The following MCCC1 variants were observed in gnomAD, a reference collection of about 807,000 sequenced individuals.
MCCC1 encodes the protein methylcrotonoyl-CoA carboxylase subunit alpha, mitochondrial.
In MCCC1, 64 loss-of-function variants were observed where a neutral mutation model predicts 83.8. The observed-to-expected ratio is 0.76, with a 90% confidence interval of 0.62 to 0.94. The LOEUF (loss-of-function observed/expected upper bound fraction) is 0.94. Ranked by LOEUF, MCCC1 falls within the 40% of genes least tolerant of loss-of-function variation. The pLI is 0.00. For synonymous variants in MCCC1, 322 were observed against 315.4 expected, an observed-to-expected ratio of 1.02 and a Z score of -0.22; for missense variants, 807 against 904.7, an observed-to-expected ratio of 0.89 and a Z score of 1.39.
Position 183,099,465 on chromosome 3 carries a change from G to A in MCCC1, c.-25C>T. Reference sequence around the variant, plus strand: ...TGTCCCTGGAGCCCGGCCACTCCGTGACTCCCCAGTACAGAGGCAGCTGCG... The same window carrying A: ...TGTCCCTGGAGCCCGGCCACTCCGTAACTCCCCAGTACAGAGGCAGCTGCG... On this transcript the variant is annotated 5_prime_UTR_variant, in exon 1 of 19. Coordinates refer to ENST00000265594, the MANE Select transcript of MCCC1 (RefSeq NM_020166.5). 1.3e-6 allele frequency: 2 copies of A among 1,591,912 alleles called. No homozygotes were observed. Among genetic ancestry groups the A allele is most frequent in the Non-Finnish European group, 1.7e-6 (2 of 1,170,116 alleles).
intron 17 of MCCC1, among the ~76,000 whole-genome samples, chr3:183,018,007 A>G (rs551107129): frequency 3.8e-4 from 57 of 151,812 alleles, no homozygotes; most frequent in African/African-American, 1.3e-3. Context: ...AGAGGCCTAC[A>G]GGTCAAATGC....
At chr3:183,102,374 C>CA (rs983928936), upstream of MCCC1, among the ~76,000 whole-genome samples, 79 of 150,916 alleles carry the variant, frequency 5.2e-4, no homozygotes, top group African/African-American at 1.6e-3. Context: ...AAAAAAGAAG[C>CA]AAAAAAAATA....
intron 8 of MCCC1, among the ~76,000 whole-genome samples, chr3:183,052,863 A>G (rs574057168): frequency 2.9e-4 from 43 of 150,596 alleles, no homozygotes; most frequent in African/African-American, 9.7e-4. Context: ...CGTATATAAT[A>G]CTTGATAATA....
At chr3:183,022,288 A>G in intron 16 of MCCC1, 129 bp downstream of exon 16, 3 of 1,110,698 alleles carry the variant, frequency 2.7e-6, no homozygotes, top group Non-Finnish European at 4.0e-6. Context: ...GGTGGGGGAA[A>G]CTGAGGGAAA....
chr3:183,043,902 C>T (rs1032209152), intron 10 of MCCC1, among the ~76,000 whole-genome samples: 5 of 152,144 alleles, frequency 3.3e-5, no homozygotes, highest in African/African-American at 1.2e-4. Context: ...TCCTTGAATT[C>T]TGGAAATATA....
intron 10 of MCCC1, among the ~76,000 whole-genome samples, chr3:183,042,346 A>G (rs1368206335): frequency 6.6e-6 from 1 of 152,312 alleles, no homozygotes; most frequent in African/African-American, 2.4e-5. Context: ...TACTATAATT[A>G]TTACTATTTT....
At position 183,039,068 on chromosome 3, in the gene MCCC1, C is replaced by T; in HGVS notation, c.1335G>A (p.Gln445=). Residue 445 remains glutamine (Q), a synonymous_variant, in exon 12 of 19, where the codon CAG becomes CAA. Transcript: ENST00000265594. The part of the protein sequence containing the change: ...AKLVVWAADR[Q]AALTKLRYSL... Reference sequence around the variant, plus strand: ...TGTACCTCAGTTTTGTCAATGCCGCCTGGCGATCTGCTGCCCACACGACCA... The same window carrying T: ...TGTACCTCAGTTTTGTCAATGCCGCTTGGCGATCTGCTGCCCACACGACCA... 3 of 1,614,188 alleles carry T rather than the reference C, an allele frequency of 1.9e-6. No homozygotes were observed. The highest frequency in any genetic ancestry group is 2.5e-6 in the Non-Finnish European group (3 of 1,180,044).
intron 10 of MCCC1, among the ~76,000 whole-genome samples, chr3:183,043,435 G>A (rs1437779804): frequency 1.3e-5 from 2 of 152,196 alleles, no homozygotes; most frequent in East Asian, 1.9e-4. Flanking sequence ...CTGGCTCTCC[G>A]GAACCCCTAA....
intron 9 of MCCC1, among the ~76,000 whole-genome samples, chr3:183,050,673 T>C (rs1475867643): frequency 7.6e-6 from 1 of 131,426 alleles, no homozygotes; most frequent in Non-Finnish European, 1.5e-5. Flanking sequence ...ACCATTGCAT[T>C]CCAGCCTGGG....
chr3:183,031,773 C>T (rs530462704), intron 14 of MCCC1, among the ~76,000 whole-genome samples: 2 of 150,778 alleles, frequency 1.3e-5, no homozygotes, highest in South Asian at 2.1e-4. Flanking sequence ...GCTGGGGTTA[C>T]GGGTGGGAGA....
chr3:183,057,481 C>G, intron 7 of MCCC1, 59 bp from the exon 8 acceptor site: 2 of 1,304,596 alleles, frequency 1.5e-6, no homozygotes, highest in East Asian at 2.5e-5. Flanking sequence ...ATATCACATT[C>G]GTTAAGCTAA....
chr3:183,070,937 G>C, intron 7 of MCCC1, 62 bp downstream of exon 7: 1 of 1,511,084 alleles, frequency 6.6e-7, no homozygotes, highest in Non-Finnish European at 9.0e-7. Context: ...TATAGAATGT[G>C]CATGCATTAT....
intron 15 of MCCC1, among the ~76,000 whole-genome samples, chr3:183,024,581 C>T (rs1300629968): frequency 6.6e-6 from 1 of 151,422 alleles, no homozygotes; most frequent in Non-Finnish European, 1.5e-5. Flanking sequence ...CAGTGAGATA[C>T]TACTACCTCA....
At chr3:183,102,780 TTTTTTTTTTTTTTTTTTTTTTTTTG>T (rs1213023444), upstream of MCCC1, among the ~76,000 whole-genome samples, 2 of 111,562 alleles carry the variant, frequency 1.8e-5, no homozygotes, top group African/African-American at 7.3e-5. Context: ...TTTTTTTTTT[TTTTTTTTTTTTTTTTTTTTTTTTTG>T]AGACGAAGTC....
At chr3:183,087,787 C>T (rs1446231896) in intron 3 of MCCC1, among the ~76,000 whole-genome samples, 7 of 1,822 alleles carry the variant, frequency 3.8e-3, no homozygotes, top group Admixed American at 0.012. Context: ...AGGAGAATGG[C>T]GTGAACAGGG....
chr3:183,061,657 C>T (rs556952513), intron 7 of MCCC1, among the ~76,000 whole-genome samples: 1 of 152,366 alleles, frequency 6.6e-6, no homozygotes, highest in Non-Finnish European at 1.5e-5. Context: ...ACTCACTATA[C>T]TTGCATGCTT....
chr3:183,111,939 A>T (rs976465397), intron 1 of MCCC1, among the ~76,000 whole-genome samples: 28 of 152,306 alleles, frequency 1.8e-4, no homozygotes, highest in African/African-American at 6.3e-4. Flanking sequence ...ACATGTCAAC[A>T]TGTAAAATAT....
At chr3:183,054,045 A>G (rs191018461) in intron 8 of MCCC1, among the ~76,000 whole-genome samples, 1 of 132,286 alleles carries the variant, frequency 7.6e-6, no homozygotes, top group African/African-American at 2.8e-5. Context: ...CCACATCCAG[A>G]TAATTTTTAT....
At chr3:183,098,615 A>G (rs1000294374) in intron 1 of MCCC1, 4 of 152,346 alleles carry the variant, frequency 2.6e-5, no homozygotes, top group African/African-American at 9.6e-5. Context: ...GCAAAAGAAG[A>G]CAAAGAAGCA....
Sources: gnomAD v4.1 joint callset for allele counts (sites outside exome capture counted in the v4.1 genomes callset) on GRCh38, gnomAD v4.1.1 for gene constraint, MANE v1.5 for transcripts, NCBI Gene and HGNC (gene_info 2026-07-23, HGNC 2026-07-21) for gene names.